Variants in CEP97 observed in about 807,000 individuals in gnomAD.
CEP97 encodes the protein centrosomal protein of 97 kDa.
In CEP97, 43 loss-of-function variants were observed where a neutral mutation model predicts 73.1. The ratio of observed to expected loss-of-function variants is 0.59; its 90% CI spans 0.46 to 0.76. CEP97 has a LOEUF of 0.76. CEP97 is among the 30% of genes least tolerant of loss of function. CEP97 has a pLI of 0.00. For missense variants in CEP97, 939 were observed against 1,014.0 expected, an observed-to-expected ratio of 0.93 and a Z score of 1.00; for synonymous variants, 337 against 370.0, an observed-to-expected ratio of 0.91 and a Z score of 1.02.
At chr3:101,739,621 C>T (rs1938383346) in intron 6 of CEP97, among the ~76,000 whole-genome samples, 1 of 151,914 alleles carries the variant, frequency 6.6e-6, no homozygotes, top group Non-Finnish European at 1.5e-5. Context: ...AAATTCAACA[C>T]CCCTGGCGGG....
rs1440205020 is a variant in CEP97 at position 101,768,025 on chromosome 3, A to G, written c.*2474A>G. The G allele has an allele frequency of 6.6e-6, 1 of 152,206 alleles. No individual in the cohort carries two copies. The highest frequency in any genetic ancestry group is 2.1e-4 in the South Asian group (1 of 4,836). 9.4% of individuals were successfully genotyped at this position (152,206 alleles called of 1,614,324 possible). A position where few individuals can be genotyped will look rare whatever the true frequency, so the allele number is the denominator to read the frequency against. On this transcript the variant is annotated 3_prime_UTR_variant, in exon 11 of 11. Coordinates refer to ENST00000341893, the MANE Select transcript of CEP97 (RefSeq NM_024548.4). The stretch of plus-strand genomic sequence containing the variant: ...AGGTTTGGAAAGTTAAGCTTTGAAC[A>G]TGGTCTTTGTGTTTTTTTCCTAACA...
chr3:101,730,509 C>T (rs988975319), intron 4 of CEP97, among the ~76,000 whole-genome samples: 3 of 151,760 alleles, frequency 2.0e-5, no homozygotes, highest in African/African-American at 4.8e-5. Context: ...TGTGATCCAC[C>T]CGCCTCGGCC....
At chr3:101,747,562 CT>C (rs34455491) in intron 6 of CEP97, among the ~76,000 whole-genome samples, 236 of 127,032 alleles carry the variant, frequency 1.9e-3, no homozygotes, top group Admixed American at 2.0e-3. Context: ...CCTGGCCTTC[CT>C]TTTTTTTTTT....
chr3:101,765,147 A>G lies in CEP97; in HGVS notation c.2194A>G (p.Ile732Val), dbSNP rs145009944. Residue 732 changes from isoleucine (I) to valine (V), a missense_variant, in exon 11 of 11, where the codon ATA becomes GTA. Transcript: ENST00000341893. ...TTCCACAGAAGGCAGTGAAAGCTCC[A>G]TAATGGGGAATTCCATTGACACAGT... is the stretch of plus-strand genomic sequence containing the variant. Reference protein sequence around the residue: ...KSSTEGSESSIMGNSIDTVRY... With the variant: ...KSSTEGSESSVMGNSIDTVRY... 4 of 1,614,118 alleles carry G rather than the reference A, an allele frequency of 2.5e-6. No individual in the cohort carries two copies. Among genetic ancestry groups the G allele is most frequent in the Middle Eastern group, 1.6e-4 (1 of 6,084 alleles).
intron 6 of CEP97, among the ~76,000 whole-genome samples, chr3:101,736,210 G>T (rs886355853): frequency 3.3e-5 from 5 of 152,208 alleles, no homozygotes; most frequent in Non-Finnish European, 2.9e-5. Flanking sequence ...GGGGCTTATA[G>T]ATAAAACTCC....
At chr3:101,733,741 G>A (rs892932717) in intron 6 of CEP97, among the ~76,000 whole-genome samples, 3 of 151,996 alleles carry the variant, frequency 2.0e-5, no homozygotes, top group South Asian at 4.2e-4. Flanking sequence ...CGTTTTAGCC[G>A]GTATGGTCTC....
At chr3:101,760,293 T>G (rs1939136059) in intron 9 of CEP97, among the ~76,000 whole-genome samples, 1 of 152,156 alleles carries the variant, frequency 6.6e-6, no homozygotes, top group South Asian at 2.1e-4. Flanking sequence ...GGTAGTTATC[T>G]TAAACATGAC....
chr3:101,755,315 GA>G, intron 6 of CEP97, 114 bp from the exon 7 acceptor site: 1 of 865,834 alleles, frequency 1.2e-6, no homozygotes, highest in Non-Finnish European at 1.8e-6. Context: ...TTTTATTTAT[GA>G]AAAACATACA....
chr3:101,765,673 G>T lies in CEP97; in HGVS notation c.*122G>T. ...TTTTGTTACTACTTATATAGAATTT[G>T]TATTCATGTCTTATATTTTTCAGAT... is the stretch of plus-strand genomic sequence containing the variant. On this transcript the variant is annotated 3_prime_UTR_variant, in exon 11 of 11. Transcript: ENST00000341893. 1 of 705,242 alleles carries T rather than the reference G, an allele frequency of 1.4e-6. No individual in the cohort carries two copies. Among genetic ancestry groups the T allele is most frequent in the Non-Finnish European group, 2.3e-6 (1 of 429,538 alleles). The allele number at this position is 705,242 out of a possible 1,614,324, so 43.7% of individuals were successfully genotyped here. A position where few individuals can be genotyped will look rare whatever the true frequency, so the allele number is the denominator to read the frequency against.
intron 1 of CEP97, among the ~76,000 whole-genome samples, chr3:101,725,339 T>C (rs1937843602): frequency 1.3e-5 from 2 of 152,122 alleles, no homozygotes; most frequent in Admixed American, 1.3e-4. Context: ...ACCTACCTCT[T>C]TGGGGCGCCG....
chr3:101,754,368 A>G (rs1938946190), intron 6 of CEP97, among the ~76,000 whole-genome samples: 1 of 152,198 alleles, frequency 6.6e-6, no homozygotes, highest in Non-Finnish European at 1.5e-5. Context: ...AAGTGCCCTA[A>G]TATCAGATAT....
chr3:101,728,610 C>T (rs185105523), intron 3 of CEP97, among the ~76,000 whole-genome samples: 1 of 152,028 alleles, frequency 6.6e-6, no homozygotes, highest in Admixed American at 6.6e-5. Context: ...ATGGTATGAA[C>T]TACTTGGTAG....
At chr3:101,759,247 A>G (rs1459644173) in intron 9 of CEP97, 1 of 152,222 alleles carries the variant, frequency 6.6e-6, no homozygotes, top group Non-Finnish European at 1.5e-5. Context: ...TAGAATCAGT[A>G]AAGAAAAAAG....
At chr3:101,728,262 G>GTT (rs5851280) in intron 3 of CEP97, among the ~76,000 whole-genome samples, 51 of 135,404 alleles carry the variant, frequency 3.8e-4, no homozygotes, top group African/African-American at 7.9e-4. Context: ...GGTTTCTTTT[G>GTT]TTTTTTTTTT....
intron 6 of CEP97, among the ~76,000 whole-genome samples, chr3:101,733,986 C>A (rs934310066): frequency 6.6e-6 from 1 of 152,050 alleles, no homozygotes; most frequent in Non-Finnish European, 1.5e-5. Context: ...GCCACCACAC[C>A]CAGCTAATTT....
At chr3:101,756,112 G>A (rs1353298597) in intron 7 of CEP97, among the ~76,000 whole-genome samples, 1 of 151,698 alleles carries the variant, frequency 6.6e-6, no homozygotes, top group African/African-American at 2.4e-5. Context: ...CCAGGCTGGA[G>A]TGCTGTGGTG....
intron 6 of CEP97, among the ~76,000 whole-genome samples, chr3:101,736,524 T>G (rs188955031): frequency 6.6e-6 from 1 of 152,352 alleles, no homozygotes; most frequent in African/African-American, 2.4e-5. Context: ...ATCTTTGCTG[T>G]TCTGCAGCCT....
chr3:101,728,992 A>G, intron 4 of CEP97, 55 bp downstream of exon 4: 3 of 1,024,254 alleles, frequency 2.9e-6, no homozygotes, highest in East Asian at 2.4e-5. Flanking sequence ...ACCAAGAGAA[A>G]GTAATCTTAC....
At chr3:101,725,335 C>T (rs1160360063) in intron 1 of CEP97, among the ~76,000 whole-genome samples, 3 of 152,152 alleles carry the variant, frequency 2.0e-5, no homozygotes, top group African/African-American at 7.2e-5. Flanking sequence ...AGATACCTAC[C>T]TCTTTGGGGC....
Sources: gnomAD v4.1 joint callset for allele counts (sites outside exome capture counted in the v4.1 genomes callset) on GRCh38, gnomAD v4.1.1 for gene constraint, MANE v1.5 for transcripts, NCBI Gene and HGNC (gene_info 2026-07-23, HGNC 2026-07-21) for gene names.